The following LTF variants were observed in gnomAD, a reference collection of about 807,000 sequenced individuals.
LTF encodes the protein lactotransferrin.
In LTF, 91 loss-of-function variants were observed where a neutral mutation model predicts 87.2. The observed-to-expected ratio is 1.04, with a 90% CI of 0.88 to 1.24. The LOEUF (loss-of-function observed/expected upper bound fraction) is 1.24. Among genes scored for constraint, LTF ranks in the 50% most tolerant of loss-of-function variants. LTF has a pLI of 0.00. For synonymous variants in LTF, 378 were observed against 356.1 expected, an observed-to-expected ratio of 1.06 and a Z score of -0.69; for missense variants, 901 against 904.3, an observed-to-expected ratio of 1.00 and a Z score of 0.05.
chr3:46,438,233 C>A (rs978326945), intron 15 of LTF, 104 bp from the exon 16 acceptor site: 112 of 942,848 alleles, frequency 1.2e-4, no homozygotes, highest in Admixed American at 3.7e-4. Flanking sequence ...CCTGAGAAAA[C>A]CATGGGGCAG....
intron 1 of LTF, among the ~76,000 whole-genome samples, chr3:46,460,889 C>CA (rs1223859765): frequency 6.6e-6 from 1 of 151,988 alleles, no homozygotes; most frequent in African/African-American, 2.4e-5. Context: ...GATCAATATA[C>CA]AAAAATTGAT....
At chr3:46,451,187 T>C (rs554911268) in intron 6 of LTF, among the ~76,000 whole-genome samples, 2 of 152,338 alleles carry the variant, frequency 1.3e-5, no homozygotes, top group South Asian at 4.1e-4. Context: ...TGGAATATCA[T>C]ATATAAGTTG....
At chr3:46,469,303 G>C (rs1182379066), upstream of LTF, 2 of 152,256 alleles carry the variant, frequency 1.3e-5, no homozygotes, top group Non-Finnish European at 2.9e-5. Flanking sequence ...GAGAGCTCAG[G>C]GTGCAGGGAC....
At chr3:46,453,052 G>C (rs1004004191) in intron 6 of LTF, among the ~76,000 whole-genome samples, 1 of 152,132 alleles carries the variant, frequency 6.6e-6, no homozygotes, top group Admixed American at 6.5e-5. Context: ...ACTGAGAAGA[G>C]GTTTTACTAA....
chr3:46,466,163 C>T (rs916233200), upstream of LTF, among the ~76,000 whole-genome samples: 1 of 151,912 alleles, frequency 6.6e-6, no homozygotes, highest in Non-Finnish European at 1.5e-5. Context: ...CCATTTGAGC[C>T]TGGGAGATGA....
At chr3:46,477,806 A>G (rs1703378718) in intron 1 of LTF, among the ~76,000 whole-genome samples, 1 of 152,208 alleles carries the variant, frequency 6.6e-6, no homozygotes, top group Non-Finnish European at 1.5e-5. Context: ...TATTGTTTCC[A>G]TGCATTTCTG....
chr3:46,448,185 G>A (rs1018897784), intron 9 of LTF, among the ~76,000 whole-genome samples: 6 of 152,042 alleles, frequency 3.9e-5, no homozygotes, highest in Admixed American at 6.6e-5. Context: ...GCAACAAAGC[G>A]AGACCCTGTC....
intron 1 of LTF, among the ~76,000 whole-genome samples, chr3:46,461,922 T>C (rs539327042): frequency 2.6e-5 from 4 of 152,336 alleles, no homozygotes; most frequent in South Asian, 4.1e-4. Flanking sequence ...TGCTGTCTCC[T>C]GTTTCTGAGC....
chr3:46,436,277 T>G, intron 16 of LTF, 48 bp from the exon 17 acceptor site: 1 of 1,515,788 alleles, frequency 6.6e-7, no homozygotes, highest in Non-Finnish European at 9.2e-7. Context: ...TTTCTTCCAT[T>G]AAACCAGTTA....
rs61177736 is a variant in LTF, at chr3:46,482,727, G to A, written c.-320+2259C>T. Among the ~76,000 whole-genome samples the A allele has an allele frequency of 2.3e-3, 150 of 64,480 alleles. 6 individuals carry two copies. Among genetic ancestry groups the A allele is most frequent in the African/African-American group, 7.5e-3 (139 of 18,616 alleles). 42.3% of individuals were successfully genotyped at this position (64,480 alleles called of 152,430 possible). ...AGGAAAGAAAGAAAGAGAAAGAAAG[G>A]AAGGAAGGAAGGAAGGAAGGAAAGA... On this transcript the variant is annotated intron_variant, in intron 1 of 19. Coordinates refer to the LTF transcript ENST00000443496.
chr3:46,446,950 G>A (rs982581416), intron 10 of LTF, among the ~76,000 whole-genome samples: 3 of 152,216 alleles, frequency 2.0e-5, no homozygotes, highest in African/African-American at 2.4e-5. Flanking sequence ...GCGGGGGACA[G>A]GAGGACATAA....
rs930405111 is a variant in LTF, at chr3:46,448,085, C to T, written c.1213-687G>A. Among the ~76,000 whole-genome samples, 18 of 152,166 alleles carry T rather than the reference C, an allele frequency of 1.2e-4. No individual in the cohort carries two copies. In the Middle Eastern group the frequency reaches 0.01, roughly 86 times the overall value. ...AGCATGTTTAAAAAATGTTTTCGTC[C>T]GAGTGCTGTGGCTCACACCCGTAAT... On this transcript the variant is annotated intron_variant, in intron 9 of 16. Coordinates refer to ENST00000231751, the MANE Select transcript of LTF (RefSeq NM_002343.6).
chr3:46,443,540 C>G lies in LTF; in HGVS notation c.1556G>C (p.Arg519Thr). ...AATACACAGAGCACAGAGATTAGAT[C>G]TCGGGTCAGACCCAGGGGCACAGCT... Reference protein sequence around the residue: ...SQSCAPGSDPRSNLCALCIGD... With the variant: ...SQSCAPGSDPTSNLCALCIGD... The change falls in exon 13 of 17, where the codon AGA becomes ACA. Residue 519 changes from arginine (R) to threonine (T), a missense_variant. Physicochemically the swap from Arg to Thr is moderately conservative, Grantham distance 71. Coordinates refer to ENST00000231751, the MANE Select transcript of LTF (RefSeq NM_002343.6). The G allele has an allele frequency of 6.2e-7, 1 of 1,614,178 alleles. No individual in the cohort carries two copies. Among genetic ancestry groups the G allele is most frequent in the Non-Finnish European group, 8.5e-7 (1 of 1,180,038 alleles).
At chr3:46,438,338 C>T (rs1402868725) in intron 15 of LTF, among the ~76,000 whole-genome samples, 2 of 152,188 alleles carry the variant, frequency 1.3e-5, no homozygotes, top group African/African-American at 4.8e-5. Flanking sequence ...ATCCAGGCCT[C>T]GCACCACTTC....
Position 46,448,771 on chromosome 3 carries a change from C to G in LTF, c.1212+92G>C, listed in dbSNP as rs112724607. ...CCCTGCCTCACCCAGGCCCCCGTGG[C>G]CTCTTTGACTGTTGACTTCACTTTA... On this transcript the variant is annotated intron_variant, in intron 9 of 16. Coordinates refer to ENST00000231751, the MANE Select transcript of LTF (RefSeq NM_002343.6). The G allele has an allele frequency of 9.1e-3, 13,468 of 1,485,470 alleles. 1,067 individuals carry two copies. The African/African-American group carries it at 0.17, about 19-fold the overall frequency. The allele number at this position is 1,485,470 out of a possible 1,614,324, so 92.0% of individuals were successfully genotyped here.
intron 15 of LTF, among the ~76,000 whole-genome samples, chr3:46,439,083 T>C (rs774528128): frequency 2.0e-5 from 3 of 152,122 alleles, no homozygotes; most frequent in Non-Finnish European, 4.4e-5. Context: ...TCAGCAGAAA[T>C]GGAGTGAGTC....
intron 1 of LTF, among the ~76,000 whole-genome samples, chr3:46,470,888 C>T (rs552312059): frequency 3.3e-5 from 5 of 152,252 alleles, no homozygotes; most frequent in Non-Finnish European, 2.9e-5. Flanking sequence ...AATTAAAACC[C>T]GATGTTGAGA....
Position 46,455,372 on chromosome 3 carries a change from G to T in LTF, c.570C>A (p.Arg190=). Residue 190 remains arginine (R), a synonymous_variant, in exon 5 of 17, where the codon CGC becomes CGA. Transcript: ENST00000231751. ...ADKGQFPNLC[R]LCAGTGENKC... ...TGTTTTCCCCTGTCCCCGCACACAGGCGACACAGGTTGGGGAACTGTCCTT... is the reference window on the plus strand; with the variant it reads ...TGTTTTCCCCTGTCCCCGCACACAGTCGACACAGGTTGGGGAACTGTCCTT... 1 of 1,614,230 alleles carries T rather than the reference G, an allele frequency of 6.2e-7. No individual in the cohort carries two copies. The highest frequency in any genetic ancestry group is 2.2e-5 in the East Asian group (1 of 44,888).
At chr3:46,441,732 T>A in intron 13 of LTF, 1 of 436,286 alleles carries the variant, frequency 2.3e-6, no homozygotes, top group South Asian at 3.5e-5. Flanking sequence ...AAACAGGCAA[T>A]CTAACATGAA....
Sources: gnomAD v4.1 joint callset for allele counts (sites outside exome capture counted in the v4.1 genomes callset) on GRCh38, gnomAD v4.1.1 for gene constraint, MANE v1.5 for transcripts, NCBI Gene and HGNC (gene_info 2026-07-23, HGNC 2026-07-21) for gene names.